Variants in ANO10 observed in about 807,000 individuals in gnomAD.
ANO10 encodes anoctamin-10.
A neutral mutation model predicts 74.7 loss-of-function variants in ANO10; 77 were observed. The observed-to-expected ratio is 1.03, with a 90% CI of 0.86 to 1.25. The LOEUF is 1.25. Ranked by LOEUF, ANO10 falls within the 50% of genes most tolerant of loss-of-function variation. The probability of loss-of-function intolerance (pLI) is 0.00; values close to 1 mark genes in which losing one functional copy is unlikely to be tolerated. For synonymous variants in ANO10, 279 were observed against 284.9 expected, an observed-to-expected ratio of 0.98 and a Z score of 0.21; for missense variants, 721 against 778.1, an observed-to-expected ratio of 0.93 and a Z score of 0.87.
At chr3:43,503,143 AG>A (rs1378628267) in intron 11 of ANO10, among the ~76,000 whole-genome samples, 1 of 152,224 alleles carries the variant, frequency 6.6e-6, no homozygotes, top group Non-Finnish European at 1.5e-5. Flanking sequence ...ATGCAAACTA[AG>A]GGAGAACACT....
In ANO10 at chr3:43,440,084, C is replaced by CA. The variant is rs754186482; in HGVS notation, c.1798-7358dup. On this transcript the variant is annotated intron_variant, in intron 11 of 12. Transcript: ENST00000292246. ...AGAAAGGAATCAAAGCAAGTTCCTA[C>CA]AAAAAAAAATCAACAAAATACAAAG... Among the ~76,000 whole-genome samples, 283 of 149,432 alleles carry CA rather than the reference C, an allele frequency of 1.9e-3. 2 individuals are homozygous for CA. Among genetic ancestry groups the CA allele is most frequent in the East Asian group, 0.014 (70 of 5,080 alleles).
intron 11 of ANO10, among the ~76,000 whole-genome samples, chr3:43,510,339 G>A (rs578143152): frequency 1.3e-5 from 2 of 151,254 alleles, no homozygotes; most frequent in African/African-American, 4.9e-5. Context: ...GCTGAGGGAG[G>A]AGAATTGCTT....
intron 11 of ANO10, among the ~76,000 whole-genome samples, chr3:43,455,675 C>A (rs1399426805): frequency 1.3e-5 from 2 of 152,126 alleles, no homozygotes; most frequent in Non-Finnish European, 2.9e-5. Context: ...CCCTAAGAAC[C>A]CCTCTCAAAA....
At chr3:43,549,975 T>G (rs542099023) in intron 10 of ANO10, 127 bp from the exon 11 acceptor site, 1 of 1,132,050 alleles carries the variant, frequency 8.8e-7, no homozygotes, top group South Asian at 1.5e-5. Context: ...AAGTACATTT[T>G]AAATTTTTTT....
At chr3:43,390,320 A>G (rs979081877) in intron 12 of ANO10, among the ~76,000 whole-genome samples, 7 of 152,188 alleles carry the variant, frequency 4.6e-5, no homozygotes, top group African/African-American at 1.4e-4. Context: ...ACCTTAGTGC[A>G]GAGCCACTGC....
chr3:43,484,873 G>A (rs1188503029), intron 11 of ANO10: 4 of 592,660 alleles, frequency 6.7e-6, no homozygotes, highest in South Asian at 4.2e-5. Context: ...CCGCCAACAG[G>A]CATGACCAAT....
chr3:43,628,890 C>T (rs889277896), intron 1 of ANO10, among the ~76,000 whole-genome samples: 1 of 152,130 alleles, frequency 6.6e-6, no homozygotes, highest in Non-Finnish European at 1.5e-5. Context: ...ACAATGGTGC[C>T]CGAAACTTCA....
intron 11 of ANO10, among the ~76,000 whole-genome samples, chr3:43,544,272 C>T (rs1211907422): frequency 6.6e-6 from 1 of 152,132 alleles, no homozygotes; most frequent in Non-Finnish European, 1.5e-5. Context: ...GGCATTTTCA[C>T]ATGTTTTCAT....
At chr3:43,373,991 G>A (rs1420257058) in intron 12 of ANO10, among the ~76,000 whole-genome samples, 1 of 152,160 alleles carries the variant, frequency 6.6e-6, no homozygotes, top group Non-Finnish European at 1.5e-5. Context: ...CCAAGTTATG[G>A]ATACCCCAAA....
intron 11 of ANO10, among the ~76,000 whole-genome samples, chr3:43,481,799 C>T (rs1046203891): frequency 6.6e-6 from 1 of 152,176 alleles, no homozygotes; most frequent in Non-Finnish European, 1.5e-5. Flanking sequence ...CACCTATGAC[C>T]TGGAAGCCAG....
In ANO10 at chr3:43,596,608, T is replaced by C. The variant is rs149375703; in HGVS notation, c.472+1924A>G. 5.3e-3 allele frequency among the ~76,000 whole-genome samples: 800 copies of C among 152,148 alleles called. 5 individuals are homozygous for C. The highest frequency in any genetic ancestry group is 0.017 in the African/African-American group (726 of 41,508). Reference sequence around the variant, plus strand: ...CCTTCCTTACACCTTATACAAAAATTAATTCAAGATGGATTAAAGACTTAA... The same window carrying C: ...CCTTCCTTACACCTTATACAAAAATCAATTCAAGATGGATTAAAGACTTAA... On this transcript the variant is annotated intron_variant, in intron 4 of 12. Transcript: ENST00000292246.
At chr3:43,535,988 T>C (rs1369919300) in intron 11 of ANO10, among the ~76,000 whole-genome samples, 1 of 152,212 alleles carries the variant, frequency 6.6e-6, no homozygotes, top group Non-Finnish European at 1.5e-5. Context: ...TGACAAATGT[T>C]TGTTATCCAA....
At chr3:43,618,535 G>C (rs2149538083) in intron 1 of ANO10, among the ~76,000 whole-genome samples, 1 of 152,310 alleles carries the variant, frequency 6.6e-6, no homozygotes, top group South Asian at 2.1e-4. Context: ...CTGGGCTGAA[G>C]AAGTTCCCAA....
At chr3:43,413,944 G>C (rs1178078861) in intron 12 of ANO10, among the ~76,000 whole-genome samples, 2 of 151,830 alleles carry the variant, frequency 1.3e-5, no homozygotes, top group African/African-American at 2.4e-5. Flanking sequence ...GCCTTCATGA[G>C]AGAAGTCATC....
At chr3:43,474,180 T>A (rs1420945853) in intron 11 of ANO10, among the ~76,000 whole-genome samples, 1 of 152,178 alleles carries the variant, frequency 6.6e-6, no homozygotes, top group Non-Finnish European at 1.5e-5. Flanking sequence ...TTACACGTGG[T>A]CATACCACTT....
At chr3:43,591,796 A>G (rs1480712680) in intron 4 of ANO10, among the ~76,000 whole-genome samples, 1 of 152,212 alleles carries the variant, frequency 6.6e-6, no homozygotes, top group Admixed American at 6.5e-5. Flanking sequence ...AAGCAGGGCG[A>G]GGAATCACCT....
intron 12 of ANO10, among the ~76,000 whole-genome samples, chr3:43,396,431 C>T (rs537827182): frequency 6.6e-6 from 1 of 152,072 alleles, no homozygotes; most frequent in Non-Finnish European, 1.5e-5. Context: ...CTCCGCCTCC[C>T]AAGTTCATGC....
At chr3:43,566,891 C>T (rs1008248524) in intron 7 of ANO10, among the ~76,000 whole-genome samples, 36 of 152,166 alleles carry the variant, frequency 2.4e-4, no homozygotes, top group African/African-American at 6.5e-4. Context: ...CTCTGAGCTA[C>T]GGGAGGACAT....
Position 43,690,926 on chromosome 3 carries a change from C to T in ANO10, c.-12+591G>A, listed in dbSNP as rs527265002. On this transcript the variant is annotated intron_variant, in intron 1 of 3. Transcript: ENST00000413397. ...GCGCCGCCTTAAGTGCCGCGCCAGC[C>T]CGGGGCGGCCCAGTCGGCCTGTCAG... The T allele has an allele frequency of 1.5e-5, 23 of 1,510,192 alleles. No individual in the cohort carries two copies. In the Admixed American group the frequency reaches 3.6e-4, roughly 24 times the overall value. The allele number at this position is 1,510,192 out of a possible 1,614,324, so 93.5% of individuals were successfully genotyped here. A position where few individuals can be genotyped will look rare whatever the true frequency, so the allele number is the denominator to read the frequency against.
Sources: allele counts gnomAD v4.1 joint callset (sites outside exome capture counted in the v4.1 genomes callset), GRCh38; gene constraint gnomAD v4.1.1; transcripts MANE v1.5; gene names NCBI Gene and HGNC (gene_info 2026-07-23, HGNC 2026-07-21).